Variants in BCAS3 observed in about 807,000 individuals in gnomAD.
BCAS3 encodes BCAS4/BCAS3 fusion.
In BCAS3, 53 loss-of-function variants were observed where a neutral mutation model predicts 116.1. The observed-to-expected ratio is 0.46, with a 90% CI of 0.37 to 0.57. The LOEUF is 0.57. Among genes scored for constraint, BCAS3 ranks in the 20% least tolerant of loss-of-function variants. The pLI is 0.00. For missense variants in BCAS3, 917 were observed against 1,165.4 expected, an observed-to-expected ratio of 0.79 and a Z score of 3.10; for synonymous variants, 391 against 408.2, an observed-to-expected ratio of 0.96 and a Z score of 0.51.
chr17:61,340,780 G>A (rs912992935), intron 22 of BCAS3, among the ~76,000 whole-genome samples: 1 of 152,170 alleles, frequency 6.6e-6, no homozygotes, highest in Non-Finnish European at 1.5e-5. Context: ...ATGGAGTTGG[G>A]GGATAGTGAA....
chr17:61,143,822 A>G (rs1043235863), intron 22 of BCAS3, among the ~76,000 whole-genome samples: 10 of 152,150 alleles, frequency 6.6e-5, no homozygotes, highest in African/African-American at 2.2e-4. Flanking sequence ...AAAATAAAAT[A>G]AAATAAATAA....
chr17:61,005,388 A>G (rs1298662620), intron 15 of BCAS3, among the ~76,000 whole-genome samples: 2 of 152,066 alleles, frequency 1.3e-5, no homozygotes, highest in African/African-American at 2.4e-5. Flanking sequence ...ATATGTAAGC[A>G]TATTTTGATA....
intron 22 of BCAS3, among the ~76,000 whole-genome samples, chr17:61,137,972 T>C (rs1455932712): frequency 6.6e-6 from 1 of 152,164 alleles, no homozygotes; most frequent in Non-Finnish European, 1.5e-5. Flanking sequence ...TTTTGAATCA[T>C]CATAAAGATT....
rs1427322887 is a variant in BCAS3, at chr17:61,323,356, A to G, written c.2426-44971A>G. On this transcript the variant is annotated intron_variant, in intron 22 of 23. Coordinates refer to ENST00000407086, the MANE Select transcript of BCAS3 (RefSeq NM_017679.5). This position sits in a 1 kb window ranked among gnomAD's most constrained non-coding sequence, Gnocchi z 4.6. ...AGCACTCAGCTACAACATGGAAATA[A>G]GTAGTGCAGTGAGCAGTTAGCATAA... Among the ~76,000 whole-genome samples, 2 of 152,182 alleles carry G rather than the reference A, an allele frequency of 1.3e-5. No homozygotes were observed. The highest frequency in any genetic ancestry group is 2.9e-5 in the Non-Finnish European group (2 of 68,028).
chr17:61,135,576 C>A (rs1188044730), intron 22 of BCAS3, among the ~76,000 whole-genome samples: 1 of 152,196 alleles, frequency 6.6e-6, no homozygotes, highest in Non-Finnish European at 1.5e-5. Context: ...GACTTGTCAC[C>A]TTGAGGTCCT....
intron 7 of BCAS3, among the ~76,000 whole-genome samples, chr17:60,858,959 TATC>T (rs2053920573): frequency 6.6e-6 from 1 of 152,206 alleles, no homozygotes; most frequent in Non-Finnish European, 1.5e-5. Flanking sequence ...CTACAACAGT[TATC>T]ATAGAATTAT....
chr17:61,321,023 T>A (rs183854629), intron 22 of BCAS3, among the ~76,000 whole-genome samples: 1 of 152,322 alleles, frequency 6.6e-6, no homozygotes, highest in Non-Finnish European at 1.5e-5. Flanking sequence ...TTAAAAAGAC[T>A]CAGAGAATTT....
chr17:60,976,575 AG>A (rs1008107678), intron 14 of BCAS3, among the ~76,000 whole-genome samples: 3 of 152,074 alleles, frequency 2.0e-5, no homozygotes, highest in African/African-American at 7.2e-5. Flanking sequence ...TTCTAGGCAG[AG>A]GGCCCTGCCG....
At chr17:60,932,513 G>A (rs1239585176) in intron 13 of BCAS3, among the ~76,000 whole-genome samples, 12 of 151,762 alleles carry the variant, frequency 7.9e-5, no homozygotes, top group African/African-American at 1.5e-4. Context: ...AGGCCGAGGC[G>A]GGTGGATCAC....
chr17:61,164,600 G>A (rs2078374670), intron 22 of BCAS3, among the ~76,000 whole-genome samples: 1 of 152,204 alleles, frequency 6.6e-6, no homozygotes, highest in African/African-American at 2.4e-5. Context: ...ATCGCAGAGT[G>A]AGATTCTGAC....
At chr17:61,060,105 C>G (rs1189113805) in intron 19 of BCAS3, among the ~76,000 whole-genome samples, 1 of 151,370 alleles carries the variant, frequency 6.6e-6, no homozygotes, top group Non-Finnish European at 1.5e-5. Flanking sequence ...GTAAACCAGA[C>G]CTAAATATAT....
At position 60,990,375 on chromosome 17, in the gene BCAS3, T is replaced by C. The variant is rs1053970479; in HGVS notation, c.1486+140T>C. On this transcript the variant is annotated intron_variant, in intron 15 of 23. Transcript: ENST00000407086. The surrounding 1 kb of genome is among the most constrained non-coding windows in gnomAD (Gnocchi z 5.1). Reference sequence around the variant, plus strand: ...TAGGCTTATATGAAATTCTTAATTATTAAATAATTTAATAAATTGGAGCCA... The same window carrying C: ...TAGGCTTATATGAAATTCTTAATTACTAAATAATTTAATAAATTGGAGCCA... The C allele has an allele frequency of 1.1e-6, 1 of 891,974 alleles. No homozygotes were observed. The highest frequency in any genetic ancestry group is 1.7e-5 in the African/African-American group (1 of 58,464). The allele number at this position is 891,974 out of a possible 1,614,324, so 55.3% of individuals were successfully genotyped here.
chr17:60,906,549 C>G (rs754664627), intron 11 of BCAS3, among the ~76,000 whole-genome samples: 6 of 152,148 alleles, frequency 3.9e-5, no homozygotes, highest in Non-Finnish European at 8.8e-5. Flanking sequence ...TTTCTTAGCA[C>G]CCTACCTCCT....
chr17:61,252,417 A>G (rs985396169), intron 22 of BCAS3, among the ~76,000 whole-genome samples: 4 of 152,162 alleles, frequency 2.6e-5, no homozygotes, highest in Non-Finnish European at 5.9e-5. Context: ...TTGACCACAC[A>G]GTACGTCAAG....
Position 61,355,523 on chromosome 17 carries a change from C to T in BCAS3, c.2426-12804C>T, listed in dbSNP as rs2058092721. 6.6e-6 allele frequency among the ~76,000 whole-genome samples: 1 copy of T among 152,136 alleles called. No homozygotes were observed. The highest frequency in any genetic ancestry group is 1.5e-5 in the Non-Finnish European group (1 of 68,032). Reference sequence around the variant, plus strand: ...GTAGTTTTAGTGGAGAAATGACAGGCTTTGGAGCCAAATGAACCTAGGATC... The same window carrying T: ...GTAGTTTTAGTGGAGAAATGACAGGTTTTGGAGCCAAATGAACCTAGGATC... On this transcript the variant is annotated intron_variant, in intron 22 of 23. Transcript: ENST00000407086. This position sits in a 1 kb window ranked among gnomAD's most constrained non-coding sequence, Gnocchi z 4.2.
chr17:61,237,867 C>T, intron 22 of BCAS3, among the ~76,000 whole-genome samples: 1 of 152,068 alleles, frequency 6.6e-6, no homozygotes, highest in Non-Finnish European at 1.5e-5. Context: ...ATAGATTAGC[C>T]ATATTTTTAT....
chr17:60,704,417 C>T (rs1320723287), intron 4 of BCAS3, among the ~76,000 whole-genome samples: 2 of 152,144 alleles, frequency 1.3e-5, no homozygotes, highest in East Asian at 1.9e-4. Context: ...AAAAGATAAA[C>T]AGCAGCTGCT....
intron 22 of BCAS3, among the ~76,000 whole-genome samples, chr17:61,252,463 G>A (rs2048442170): frequency 6.6e-6 from 1 of 152,024 alleles, no homozygotes; most frequent in Non-Finnish European, 1.5e-5. Context: ...ACTCAGCCCC[G>A]CCCATGGGCC....
At chr17:61,288,087 C>T (rs886982570) in intron 22 of BCAS3, among the ~76,000 whole-genome samples, 5 of 152,212 alleles carry the variant, frequency 3.3e-5, no homozygotes, top group African/African-American at 1.2e-4. Context: ...GACTTTCTTA[C>T]CAACTGGCTG....
Sources: allele counts gnomAD v4.1 joint callset (sites outside exome capture counted in the v4.1 genomes callset), GRCh38; gene constraint gnomAD v4.1.1; non-coding constraint Gnocchi (gnomAD v3.1); transcripts MANE v1.5; gene names NCBI Gene and HGNC (gene_info 2026-07-23, HGNC 2026-07-21).